Variants in ADGRB3 observed in about 807,000 individuals in gnomAD.
ADGRB3 encodes adhesion G protein-coupled receptor B3.
ADGRB3 carries 37 observed loss-of-function variants against 193.4 expected under a neutral mutation model. The ratio of observed to expected loss-of-function variants is 0.19; its 90% CI spans 0.15 to 0.25. The LOEUF is 0.25. ADGRB3 is among the 10% of genes least tolerant of loss of function. The pLI, the probability that ADGRB3 is intolerant of heterozygous loss-of-function variation, is 1.00. For missense variants in ADGRB3, 1,637 were observed against 1,852.9 expected, an observed-to-expected ratio of 0.88 and a Z score of 2.14; for synonymous variants, 690 against 644.2, an observed-to-expected ratio of 1.07 and a Z score of -1.08.
At chr6:68,757,708 T>A (rs1381449091) in intron 3 of ADGRB3, among the ~76,000 whole-genome samples, 3 of 152,054 alleles carry the variant, frequency 2.0e-5, no homozygotes, top group Non-Finnish European at 4.4e-5. Context: ...AGAAAAAAAA[T>A]TTAAAACCTT....
chr6:69,352,029 A>T (rs1020033173), intron 26 of ADGRB3, among the ~76,000 whole-genome samples: 1 of 152,188 alleles, frequency 6.6e-6, no homozygotes, highest in Non-Finnish European at 1.5e-5. Flanking sequence ...TTTCTTTAAT[A>T]GTTGCCTTGA....
chr6:68,811,681 GCTGGTCTCAAACTC>G (rs919358548), intron 3 of ADGRB3, among the ~76,000 whole-genome samples: 1 of 151,982 alleles, frequency 6.6e-6, no homozygotes, highest in African/African-American at 2.4e-5. Context: ...TGTTGGCCAG[GCTGGTCTCAAACTC>G]CTGGTCTCAA....
intron 3 of ADGRB3, among the ~76,000 whole-genome samples, chr6:68,790,584 A>G (rs1242814867): frequency 1.3e-5 from 2 of 152,132 alleles, no homozygotes; most frequent in Non-Finnish European, 2.9e-5. Context: ...CTCCTCTGAG[A>G]CAAAACTTCC....
At chr6:69,220,554 G>C (rs904165640) in intron 17 of ADGRB3, among the ~76,000 whole-genome samples, 1 of 152,032 alleles carries the variant, frequency 6.6e-6, no homozygotes, top group Non-Finnish European at 1.5e-5. Flanking sequence ...TGAAACTGTG[G>C]CCTGTATGAT....
At chr6:68,920,374 C>T (rs1482612901) in intron 3 of ADGRB3, among the ~76,000 whole-genome samples, 2 of 151,826 alleles carry the variant, frequency 1.3e-5, no homozygotes, top group African/African-American at 4.8e-5. Context: ...AAAAAATTAG[C>T]CGGGCGTGGT....
chr6:69,295,530 CT>C (rs1767796419), intron 20 of ADGRB3, among the ~76,000 whole-genome samples: 1 of 152,102 alleles, frequency 6.6e-6, no homozygotes, highest in East Asian at 1.9e-4. Flanking sequence ...CACAGAGAGC[CT>C]CCTCCAAGGG....
chr6:68,908,505 A>G (rs1202322642), intron 3 of ADGRB3, among the ~76,000 whole-genome samples: 1 of 152,082 alleles, frequency 6.6e-6, no homozygotes, highest in Admixed American at 6.6e-5. Context: ...GGCTTTCTCC[A>G]AAAGCAGCCT....
chr6:69,384,617 T>C (rs1287311357), intron 31 of ADGRB3, among the ~76,000 whole-genome samples: 1 of 152,050 alleles, frequency 6.6e-6, no homozygotes, highest in East Asian at 1.9e-4. Context: ...CAACTATCTG[T>C]ATCTCAGTTT....
intron 3 of ADGRB3, among the ~76,000 whole-genome samples, chr6:68,671,309 C>T (rs1217754802): frequency 6.6e-6 from 1 of 151,882 alleles, no homozygotes; most frequent in Admixed American, 6.6e-5. Context: ...ACAGTGGTGA[C>T]AGTGGGAAAC....
At chr6:69,062,559 T>G (rs1367587802) in intron 15 of ADGRB3, among the ~76,000 whole-genome samples, 1 of 151,942 alleles carries the variant, frequency 6.6e-6, no homozygotes, top group Admixed American at 6.6e-5. Context: ...GTATTTGATC[T>G]CCGAGAGAAC....
chr6:68,844,279 C>G (rs7774791), intron 3 of ADGRB3, among the ~76,000 whole-genome samples: 132,796 of 152,082 alleles, frequency 0.87, 58,240 homozygotes, highest in Middle Eastern at 0.95. Flanking sequence ...CTAACCATCT[C>G]ACAAATGATT....
At chr6:68,649,134 A>G (rs1561982645) in intron 3 of ADGRB3, among the ~76,000 whole-genome samples, 1 of 152,146 alleles carries the variant, frequency 6.6e-6, no homozygotes, top group East Asian at 1.9e-4. Context: ...ATGAAAAGCT[A>G]AAGAATTTCA....
intron 3 of ADGRB3, among the ~76,000 whole-genome samples, chr6:68,852,273 C>A (rs1411080757): frequency 2.0e-5 from 3 of 151,768 alleles, no homozygotes; most frequent in Non-Finnish European, 4.4e-5. Flanking sequence ...TGCTTCATGT[C>A]TTTTATTCTT....
chr6:69,359,296 T>G (rs1420848942), intron 28 of ADGRB3, among the ~76,000 whole-genome samples: 1 of 151,676 alleles, frequency 6.6e-6, no homozygotes, highest in Non-Finnish European at 1.5e-5. Flanking sequence ...CCCCTTACTA[T>G]GTCATGTATC....
intron 20 of ADGRB3, among the ~76,000 whole-genome samples, chr6:69,263,726 A>G (rs1766976440): frequency 6.6e-6 from 1 of 151,986 alleles, no homozygotes; most frequent in South Asian, 2.1e-4. Flanking sequence ...AGGCAGATCA[A>G]ATGCTAAGGG....
intron 3 of ADGRB3, among the ~76,000 whole-genome samples, chr6:68,876,264 G>A (rs1478284114): frequency 6.6e-6 from 1 of 152,048 alleles, no homozygotes; most frequent in Non-Finnish European, 1.5e-5. Context: ...ACTCCCTACG[G>A]GAGCTGTGTC....
chr6:69,247,759 G>A (rs1008006385), intron 20 of ADGRB3, among the ~76,000 whole-genome samples: 1 of 152,000 alleles, frequency 6.6e-6, no homozygotes, highest in Non-Finnish European at 1.5e-5. Context: ...TTTTATATAT[G>A]GCGTGAAATT....
Position 69,115,270 on chromosome 6 carries a change from A to G in ADGRB3, c.2480+39232A>G, listed in dbSNP as rs1364630116. Among the ~76,000 whole-genome samples the G allele has an allele frequency of 2.6e-5, 4 of 152,240 alleles. No individual in the cohort carries two copies. In the East Asian group the frequency reaches 7.7e-4, roughly 29 times the overall value. On this transcript the variant is annotated intron_variant, in intron 17 of 31. Transcript: ENST00000370598. ...CCATGGAATACTATGCAGCCATAGA[A>G]AAGGATGAGTTCATGTCCTTTGCAG... is the stretch of plus-strand genomic sequence containing the variant.
chr6:68,894,121 C>G (rs1766155377), intron 3 of ADGRB3, among the ~76,000 whole-genome samples: 1 of 151,666 alleles, frequency 6.6e-6, no homozygotes, highest in South Asian at 2.1e-4. Flanking sequence ...TTTCAAAATC[C>G]TTTTTTAATT....
Sources: gnomAD v4.1 joint callset for allele counts (sites outside exome capture counted in the v4.1 genomes callset) on GRCh38, gnomAD v4.1.1 for gene constraint, MANE v1.5 for transcripts, NCBI Gene and HGNC (gene_info 2026-07-23, HGNC 2026-07-21) for gene names.